MAP7D3: variants seen among roughly 807,000 people sequenced by gnomAD.
The protein encoded by MAP7D3 is MAP7 domain containing 3.
A neutral mutation model predicts 62.2 loss-of-function variants in MAP7D3; 45 were observed. The observed-to-expected ratio is 0.72, with a 90% CI of 0.57 to 0.93. MAP7D3 has a LOEUF of 0.93. MAP7D3 is among the 40% of genes least tolerant of loss of function. The probability of loss-of-function intolerance (pLI) is 0.00; values close to 1 mark genes in which losing one functional copy is unlikely to be tolerated. For missense variants in MAP7D3, 711 were observed against 683.1 expected (o/e 1.04, Z -0.45); for synonymous variants, 288 against 248.8 (o/e 1.16, Z -1.48).
At position 136,232,240 on chromosome X, in the gene MAP7D3, G is replaced by A. The variant is rs774079156; in HGVS notation, c.737-20C>T. ...CTGTAACTGAATGAGGACAGAGCAT[G>A]AAATTCCCTAAGTTAGAAATCTGAC... On this transcript the variant is annotated intron_variant, in intron 7 of 18. Coordinates refer to ENST00000316077, the MANE Select transcript of MAP7D3 (RefSeq NM_024597.4). The A allele has an allele frequency of 9.2e-7, 1 of 1,087,557 alleles. No homozygotes were observed. Among genetic ancestry groups the A allele is most frequent in the Admixed American group, 2.4e-5 (1 of 41,643 alleles). The allele number at this position is 1,087,557 out of a possible 1,213,427, so 89.6% of individuals were successfully genotyped here. A position where few individuals can be genotyped will look rare whatever the true frequency, so the allele number is the denominator to read the frequency against.
chrX:136,254,297 C>T (rs1293310288), upstream of MAP7D3, among the ~76,000 whole-genome samples: 1 of 109,694 alleles, frequency 9.1e-6, no homozygotes, highest in African/African-American at 3.3e-5. Flanking sequence ...GTTGACCAGT[C>T]TAGTCTCCAA....
At chrX:136,230,759 T>C (rs2074257147) in intron 9 of MAP7D3, 80 bp downstream of exon 9, 4 of 1,047,179 alleles carry the variant, frequency 3.8e-6, no homozygotes, top group Non-Finnish European at 5.2e-6. Context: ...GCATACTATA[T>C]TATTTCACTC....
chrX:136,241,213 T>G lies in MAP7D3; in HGVS notation c.482A>C (p.Gln161Pro), dbSNP rs977477380. The G allele has an allele frequency of 1.7e-6, 2 of 1,195,062 alleles. No individual in the cohort carries two copies. The change falls in exon 5 of 19, where the codon CAA becomes CCA. Residue 161 changes from glutamine (Q) to proline (P), a missense_variant. Gln to Pro is a moderately conservative substitution (Grantham distance 76). Transcript: ENST00000316077. ...ERRRLADDYQQKRWSWGGSAM... is the reference protein window; with the variant it reads ...ERRRLADDYQPKRWSWGGSAM... ...AGAGCCTCCCCATGACCATCTTTTT[T>G]GCTGATAATCATCAGCAAGTCTCCT...
chrX:136,234,622 C>T (rs1383291801), intron 7 of MAP7D3, among the ~76,000 whole-genome samples: 1 of 112,047 alleles, frequency 8.9e-6, no homozygotes, highest in Non-Finnish European at 1.9e-5. Context: ...ATGGTAACTA[C>T]GGATTCAAAC....
chrX:136,247,437 T>C (rs1308647866), intron 1 of MAP7D3, among the ~76,000 whole-genome samples: 1 of 111,628 alleles, frequency 9.0e-6, no homozygotes, highest in Admixed American at 9.5e-5. Context: ...AATGTAACAG[T>C]TGAAGATGGG....
At chrX:136,230,764 T>C (rs2074257280) in intron 9 of MAP7D3, 75 bp downstream of exon 9, 1 of 1,051,820 alleles carries the variant, frequency 9.5e-7, no homozygotes, top group Admixed American at 2.6e-5. Context: ...CTATATTATT[T>C]CACTCATCAA....
chrX:136,226,345 A>G (rs2074197106), intron 12 of MAP7D3, among the ~76,000 whole-genome samples: 1 of 111,688 alleles, frequency 9.0e-6, no homozygotes, highest in Non-Finnish European at 1.9e-5. Context: ...TCTCAAAAGC[A>G]CTGAGAGGAT....
At chrX:136,254,432 T>C (rs1485393186), upstream of MAP7D3, among the ~76,000 whole-genome samples, 7 of 111,243 alleles carry the variant, frequency 6.3e-5, no homozygotes, top group Admixed American at 5.7e-4. Flanking sequence ...TTGTAAACAC[T>C]GTCACTTTGA....
chrX:136,225,826 T>C (rs1434623643), intron 13 of MAP7D3, 83 bp downstream of exon 13: 4 of 615,113 alleles, frequency 6.5e-6, no homozygotes, highest in Non-Finnish European at 7.7e-6. Context: ...ATCAGATTTG[T>C]GATTTTTAAA....
chrX:136,253,038 C>T (rs1288855991), upstream of MAP7D3, among the ~76,000 whole-genome samples: 1 of 110,475 alleles, frequency 9.1e-6, no homozygotes, highest in African/African-American at 3.3e-5. Flanking sequence ...GTGGAGGTTG[C>T]AGTGAGCCGA....
rs1260665616 is a variant in MAP7D3, at chrX:136,241,214, G to A, written c.481C>T (p.Gln161Ter). The change falls in exon 5 of 19, where the codon CAA becomes TAA. Residue 161 changes from glutamine to a stop codon, truncating the protein, a stop_gained. Coordinates refer to ENST00000316077, the MANE Select transcript of MAP7D3 (RefSeq NM_024597.4). LOFTEE classifies it high-confidence loss of function. ...ERRRLADDYQ[Q>*]KRWSWGGSAM... ...GAGCCTCCCCATGACCATCTTTTTT[G>A]CTGATAATCATCAGCAAGTCTCCTC... 7 of 1,190,315 alleles carry A rather than the reference G, an allele frequency of 5.9e-6. No individual in the cohort carries two copies. Among genetic ancestry groups the A allele is most frequent in the African/African-American group, 1.8e-5 (1 of 56,336 alleles).
At chrX:136,234,595 T>G (rs1418070787) in intron 7 of MAP7D3, among the ~76,000 whole-genome samples, 1 of 112,371 alleles carries the variant, frequency 8.9e-6, no homozygotes, top group Non-Finnish European at 1.9e-5. Flanking sequence ...CATCAAATGC[T>G]GGGTAAAATC....
At chrX:136,236,541 TA>T (rs1174463484) in intron 6 of MAP7D3, among the ~76,000 whole-genome samples, 1 of 111,449 alleles carries the variant, frequency 9.0e-6, no homozygotes, top group Non-Finnish European at 1.9e-5. Flanking sequence ...TAGAAAATGG[TA>T]AAAATTAAGA....
At chrX:136,225,686 T>C (rs2074185892) in intron 13 of MAP7D3, among the ~76,000 whole-genome samples, 1 of 112,011 alleles carries the variant, frequency 8.9e-6, no homozygotes, top group African/African-American at 3.2e-5. Flanking sequence ...ATCACTGTAA[T>C]GGCCAATGGC....
chrX:136,224,400 A>C (rs1430170194), intron 14 of MAP7D3, among the ~76,000 whole-genome samples: 2 of 99,110 alleles, frequency 2.0e-5, no homozygotes, highest in Admixed American at 2.2e-4. Flanking sequence ...ACTCTGTCTC[A>C]AAAAAAAAAA....
chrX:136,244,515 G>A, intron 4 of MAP7D3, 117 bp downstream of exon 4: 1 of 591,907 alleles, frequency 1.7e-6, no homozygotes, highest in South Asian at 3.4e-5. Flanking sequence ...AGAAGAAAGA[G>A]CTGGGATTGG....
Position 136,231,924 on chromosome X carries a change from C to G in MAP7D3, c.1033G>C (p.Val345Leu). Residue 345 changes from valine (V) to leucine (L), a missense_variant, in exon 8 of 19, where the codon GTG becomes CTG. Coordinates refer to ENST00000316077, the MANE Select transcript of MAP7D3 (RefSeq NM_024597.4). ...TCATATGTGCTCACCACAGGCGACA[C>G]GTCCACGCTCACCACAGGGAATGAG... is the stretch of plus-strand genomic sequence containing the variant. ...TDSFPVVSVD[V>L]SPVVSTYDSE... 1.7e-6 allele frequency: 2 copies of G among 1,211,498 alleles called. No individual in the cohort carries two copies. Among genetic ancestry groups the G allele is most frequent in the Non-Finnish European group, 2.2e-6 (2 of 895,388 alleles).
chrX:136,227,169 C>T (rs1207468621), intron 12 of MAP7D3, 115 bp downstream of exon 12: 7 of 549,364 alleles, frequency 1.3e-5, no homozygotes, highest in Admixed American at 4.0e-5. Context: ...AAATAAAATG[C>T]AGCCAGAGAA....
At position 136,218,416 on chromosome X, in the gene MAP7D3, A is replaced by G. The variant is rs1335892223; in HGVS notation, c.*110T>C. The G allele has an allele frequency of 9.8e-5, 11 of 112,192 alleles. No individual in the cohort carries two copies. The highest frequency in any genetic ancestry group is 1.7e-4 in the Non-Finnish European group (9 of 53,210). 9.2% of individuals were successfully genotyped at this position (112,192 alleles called of 1,213,427 possible). On this transcript the variant is annotated 3_prime_UTR_variant, in exon 19 of 19. Transcript: ENST00000316077. ...TTCAAGTCAGAAGCAGAAAAATTTG[A>G]GGACTGATGGGCCCAGGAGTTGAGT...
Sources: gnomAD v4.1 joint callset for allele counts (sites outside exome capture counted in the v4.1 genomes callset) on GRCh38, gnomAD v4.1.1 for gene constraint, MANE v1.5 for transcripts, NCBI Gene and HGNC (gene_info 2026-07-23, HGNC 2026-07-21) for gene names.